The following XIRP2 variants were observed in gnomAD, a reference collection of about 807,000 sequenced individuals.
XIRP2 encodes the protein xin actin-binding repeat-containing protein 2.
In XIRP2, 236 loss-of-function variants were observed where a neutral mutation model predicts 277.0. The ratio of observed to expected loss-of-function variants is 0.85; its 90% CI spans 0.77 to 0.95. The LOEUF (loss-of-function observed/expected upper bound fraction) is 0.95, where lower values mean the gene tolerates loss of function less well. Among genes scored for constraint, XIRP2 ranks in the 40% least tolerant of loss-of-function variants. The pLI is 0.00. For synonymous variants in XIRP2, 1,490 were observed against 1,416.5 expected, an observed-to-expected ratio of 1.05 and a Z score of -1.17; for missense variants, 4,640 against 4,157.5, an observed-to-expected ratio of 1.12 and a Z score of -3.19.
intron 2 of XIRP2, among the ~76,000 whole-genome samples, chr2:167,074,345 C>A (rs1689508120): frequency 6.6e-6 from 1 of 152,066 alleles, no homozygotes. Flanking sequence ...CATGCCTAGT[C>A]ATTTCTCTGA....
intron 3 of XIRP2, among the ~76,000 whole-genome samples, chr2:167,158,950 A>G (rs371339342): frequency 5.3e-5 from 8 of 152,204 alleles, no homozygotes; most frequent in African/African-American, 1.9e-4. Flanking sequence ...AGATATAAGA[A>G]GCAGACACTA....
At chr2:167,158,963 TC>T (rs1194609461) in intron 3 of XIRP2, among the ~76,000 whole-genome samples, 1 of 152,028 alleles carries the variant, frequency 6.6e-6, no homozygotes, top group African/African-American at 2.4e-5. Flanking sequence ...AGACACTACC[TC>T]TGGGGGGTAG....
At chr2:166,936,522 C>A (rs914896717) in intron 2 of XIRP2, among the ~76,000 whole-genome samples, 5 of 152,140 alleles carry the variant, frequency 3.3e-5, no homozygotes, top group African/African-American at 1.2e-4. Flanking sequence ...CCTGGGTTTT[C>A]TTCTAGGGTT....
Position 167,258,065 on chromosome 2 carries a change from C to T in XIRP2, c.*248C>T, listed in dbSNP as rs1005316447. The T allele has an allele frequency of 4.3e-6, 7 of 1,612,884 alleles. No individual in the cohort carries two copies. The highest frequency in any genetic ancestry group is 4.0e-5 in the African/African-American group (3 of 74,858). ...AAATATTGCAGAAAACACCCTTGTA[C>T]CTGGAGATCGTAATGAACATTTAGA... On this transcript the variant is annotated 3_prime_UTR_variant, in exon 11 of 11. Coordinates refer to ENST00000409195, the MANE Select transcript of XIRP2 (RefSeq NM_152381.6).
chr2:167,008,404 A>G (rs1425794321), intron 2 of XIRP2, among the ~76,000 whole-genome samples: 1 of 151,576 alleles, frequency 6.6e-6, no homozygotes, highest in Non-Finnish European at 1.5e-5. Context: ...TGTAATAAAG[A>G]AGCTATAATG....
At chr2:166,899,001 T>G (rs1485028435) in intron 1 of XIRP2, among the ~76,000 whole-genome samples, 1 of 152,160 alleles carries the variant, frequency 6.6e-6, no homozygotes, top group African/African-American at 2.4e-5. Context: ...GCATTTACAT[T>G]TTATGTAATA....
chr2:167,061,339 T>C (rs1689167110), intron 2 of XIRP2, among the ~76,000 whole-genome samples: 1 of 152,220 alleles, frequency 6.6e-6, no homozygotes, highest in South Asian at 2.1e-4. Flanking sequence ...ATTTCTTTTA[T>C]TTCTTTGCTT....
chr2:166,894,591 T>C (rs890315723), intron 1 of XIRP2, among the ~76,000 whole-genome samples: 6 of 152,164 alleles, frequency 3.9e-5, no homozygotes, highest in African/African-American at 1.4e-4. Context: ...AAGTATTAAT[T>C]CTAGTATGAG....
At chr2:166,951,242 G>A (rs1352964779) in intron 2 of XIRP2, among the ~76,000 whole-genome samples, 2 of 152,004 alleles carry the variant, frequency 1.3e-5, no homozygotes, top group African/African-American at 2.4e-5. Flanking sequence ...ACTTGACTGG[G>A]TAGTTTATAA....
intron 4 of XIRP2, among the ~76,000 whole-genome samples, chr2:167,214,310 A>C (rs1488757197): frequency 1.3e-5 from 2 of 149,344 alleles, no homozygotes; most frequent in African/African-American, 4.9e-5. Context: ...GAAGGAAGGA[A>C]GGAAGGAAGG....
At position 167,037,866 on chromosome 2, in the gene XIRP2, C is replaced by A. The variant is rs1234221183; in HGVS notation, c.409-98043C>A. ...CCTGCAATTATACTAAAATATTAGG[C>A]ATTTTAATATTGAAATGTTGAGATT... On this transcript the variant is annotated intron_variant, in intron 2 of 10. Transcript: ENST00000409195. Among the ~76,000 whole-genome samples the A allele has an allele frequency of 2.0e-5, 3 of 151,848 alleles. No homozygotes were observed. The East Asian group carries it at 5.8e-4, about 29-fold the overall frequency.
chr2:167,023,504 G>T (rs1379926405), intron 2 of XIRP2, among the ~76,000 whole-genome samples: 1 of 151,828 alleles, frequency 6.6e-6, no homozygotes, highest in African/African-American at 2.4e-5. Flanking sequence ...CATTGCTTTT[G>T]GTGTTTTAGA....
intron 2 of XIRP2, among the ~76,000 whole-genome samples, chr2:166,943,382 T>G (rs1156610359): frequency 6.6e-6 from 1 of 152,216 alleles, no homozygotes; most frequent in African/African-American, 2.4e-5. Flanking sequence ...TGCTCTCTCT[T>G]TGCTTTCTCC....
At chr2:166,983,895 A>G (rs1686934797) in intron 2 of XIRP2, among the ~76,000 whole-genome samples, 1 of 152,202 alleles carries the variant, frequency 6.6e-6, no homozygotes, top group African/African-American at 2.4e-5. Context: ...TGCCACATGA[A>G]CAAATGAGGA....
chr2:167,052,329 A>G (rs1688936006), intron 2 of XIRP2, among the ~76,000 whole-genome samples: 1 of 152,116 alleles, frequency 6.6e-6, no homozygotes, highest in Non-Finnish European at 1.5e-5. Context: ...TAGGGGAAAG[A>G]TGGTACCTAA....
In XIRP2 at chr2:167,251,003, C is replaced by A. The variant is rs777524522; in HGVS notation, c.9611C>A (p.Pro3204Gln). 20 of 1,613,534 alleles carry A rather than the reference C, an allele frequency of 1.2e-5. No individual in the cohort carries two copies. In the Admixed American group the frequency reaches 1.8e-4, roughly 15 times the overall value. The change falls in exon 9 of 11, where the codon CCG (proline) becomes CAG (glutamine). Residue 3204 changes from proline to glutamine, a missense_variant. Pro to Gln is a moderately conservative substitution (Grantham distance 76). Transcript: ENST00000409195. Reference protein sequence around the residue: ...KGAIPCPAATPVPIVEKRSEI... With the variant: ...KGAIPCPAATQVPIVEKRSEI... The stretch of plus-strand genomic sequence containing the variant: ...GCCATCCCATGTCCAGCAGCAACCC[C>A]GGTTCCAATTGTAGAGAAGAGGTCT...
chr2:167,200,675 T>C (rs1223292678), intron 3 of XIRP2, among the ~76,000 whole-genome samples: 1 of 152,218 alleles, frequency 6.6e-6, no homozygotes, highest in African/African-American at 2.4e-5. Flanking sequence ...TTCTTGAGAA[T>C]CTTTCTAGTG....
chr2:166,955,880 A>G (rs1686148893), intron 2 of XIRP2, among the ~76,000 whole-genome samples: 1 of 150,312 alleles, frequency 6.7e-6, no homozygotes, highest in Non-Finnish European at 1.5e-5. Context: ...CATCACAACC[A>G]CTTTCCTCTC....
chr2:166,986,811 G>C (rs943996134), intron 2 of XIRP2, among the ~76,000 whole-genome samples: 1 of 152,212 alleles, frequency 6.6e-6, no homozygotes, highest in African/African-American at 2.4e-5. Flanking sequence ...GATTATACCA[G>C]AGGATGCACA....
Sources: gnomAD v4.1 joint callset for allele counts (sites outside exome capture counted in the v4.1 genomes callset) on GRCh38, gnomAD v4.1.1 for gene constraint, MANE v1.5 for transcripts, NCBI Gene and HGNC (gene_info 2026-07-23, HGNC 2026-07-21) for gene names.